CLEC4A: variants seen among roughly 807,000 people sequenced by gnomAD.
CLEC4A encodes the protein C-type lectin domain family 4 member A.
A neutral mutation model predicts 32.7 loss-of-function variants in CLEC4A; 27 were observed. The observed-to-expected ratio is 0.83, with a 90% confidence interval of 0.61 to 1.14. The LOEUF is 1.14. Ranked by LOEUF, CLEC4A falls within the 50% of genes most tolerant of loss-of-function variation. CLEC4A has a pLI of 0.00. For synonymous variants in CLEC4A, 89 were observed against 93.7 expected (o/e 0.95, Z 0.29); for missense variants, 253 against 274.6 (o/e 0.92, Z 0.55).
intron 2 of CLEC4A, among the ~76,000 whole-genome samples, chr12:8,127,156 G>A (rs1260379315): frequency 2.6e-5 from 4 of 152,326 alleles, no homozygotes; most frequent in Middle Eastern, 6.8e-3. Flanking sequence ...ATATGTGGTT[G>A]GGTACTGGCC....
intron 2 of CLEC4A, among the ~76,000 whole-genome samples, chr12:8,127,406 C>T (rs184671251): frequency 6.6e-6 from 1 of 152,262 alleles, no homozygotes; most frequent in East Asian, 1.9e-4. Flanking sequence ...CAGATCCAGG[C>T]GGTGGAGAAA....
At chr12:8,116,455 G>A in the CLEC4A span, among the ~76,000 whole-genome samples, 5 of 152,168 alleles carry the variant, frequency 3.3e-5, no homozygotes, top group Admixed American at 6.5e-5. Flanking sequence ...TCTAGACCTC[G>A]CATTTGGAAA....
the CLEC4A span, among the ~76,000 whole-genome samples, chr12:8,113,256 G>A: frequency 2.6e-5 from 4 of 151,734 alleles, no homozygotes; most frequent in East Asian, 5.8e-4. Context: ...TGAGAATGAT[G>A]GTTACCAGTT....
intron 1 of CLEC4A, among the ~76,000 whole-genome samples, chr12:8,124,266 G>A (rs1156728023): frequency 1.3e-5 from 2 of 152,188 alleles, no homozygotes; most frequent in Non-Finnish European, 2.9e-5. Context: ...GTTTTCTGAG[G>A]CTGAGTGGGG....
the CLEC4A span, among the ~76,000 whole-genome samples, chr12:8,115,502 A>T: frequency 1.3e-5 from 2 of 152,228 alleles, no homozygotes; most frequent in African/African-American, 2.4e-5. Flanking sequence ...TTACCAAGGC[A>T]TCTAGGGTAC....
the CLEC4A span, among the ~76,000 whole-genome samples, chr12:8,115,068 G>A: frequency 2.0e-5 from 3 of 152,186 alleles, no homozygotes; most frequent in Admixed American, 6.5e-5. Flanking sequence ...TTCAAGCACC[G>A]CTAGTTTATT....
upstream of CLEC4A, among the ~76,000 whole-genome samples, chr12:8,122,831 C>T (rs367785531): frequency 1.5e-4 from 22 of 151,696 alleles, 1 homozygote; most frequent in East Asian, 4.1e-3. Context: ...TGTGTGTGTG[C>T]ATGCATGTAT....
rs1232949451 is a variant in CLEC4A, at chr12:8,136,890, A to G, written c.553A>G (p.Asn185Asp). 11 of 1,610,446 alleles carry G rather than the reference A, an allele frequency of 6.8e-6. No homozygotes were observed. The highest frequency in any genetic ancestry group is 1.6e-4 in the Middle Eastern group (1 of 6,074). The stretch of plus-strand genomic sequence containing the variant: ...GCAATGGGTTGATCAGACACCATAC[A>G]ATGAAAGTTCCACGTGAGTATAGAA... ...HWQWVDQTPY[N>D]ESSTFWHPRE... Residue 185 changes from asparagine to aspartate, a missense_variant, in exon 5 of 6, where the codon AAT (asparagine) becomes GAT (aspartate). Physicochemically the swap from Asn to Asp is conservative, Grantham distance 23 (BLOSUM62 1). Transcript: ENST00000229332.
At chr12:8,125,140 A>C (rs934769870) in intron 1 of CLEC4A, among the ~76,000 whole-genome samples, 3 of 152,136 alleles carry the variant, frequency 2.0e-5, no homozygotes, top group Non-Finnish European at 2.9e-5. Flanking sequence ...ATGCAACCAT[A>C]ATAAGGAGTG....
intron 3 of CLEC4A, chr12:8,134,514 T>C: frequency 1.9e-6 from 3 of 1,613,852 alleles, no homozygotes; most frequent in Non-Finnish European, 2.5e-6. Context: ...GGTGCAGGGC[T>C]CCGGGGAGGC....
intron 1 of CLEC4A, among the ~76,000 whole-genome samples, chr12:8,125,158 A>T (rs183979267): frequency 6.6e-5 from 10 of 152,204 alleles, no homozygotes; most frequent in African/African-American, 2.2e-4. Flanking sequence ...GTGTTAAAGA[A>T]GAAAATATAA....
intron 3 of CLEC4A, among the ~76,000 whole-genome samples, chr12:8,130,266 T>G (rs1240443042): frequency 1.3e-5 from 2 of 152,210 alleles, no homozygotes; most frequent in African/African-American, 2.4e-5. Context: ...TCTATACACA[T>G]TTGCTCTTTT....
intron 3 of CLEC4A, among the ~76,000 whole-genome samples, chr12:8,131,820 A>ATC (rs1343655727): frequency 3.5e-5 from 2 of 57,358 alleles, no homozygotes; most frequent in South Asian, 9.6e-4. Context: ...GGAGATATAT[A>ATC]TATCTATATA....
chr12:8,110,387 G>C, the CLEC4A span, among the ~76,000 whole-genome samples: 1 of 152,240 alleles, frequency 6.6e-6, no homozygotes, highest in African/African-American at 2.4e-5. Flanking sequence ...GCCTACCTCT[G>C]TACCTTCATT....
At chr12:8,137,188 T>C (rs1203672688) in intron 5 of CLEC4A, among the ~76,000 whole-genome samples, 3 of 152,244 alleles carry the variant, frequency 2.0e-5, no homozygotes, top group Admixed American at 2.0e-4. Flanking sequence ...AGGTGGATCT[T>C]ACTGTGCTTT....
chr12:8,125,432 T>C, intron 1 of CLEC4A, 129 bp from the exon 2 acceptor site: 2 of 613,308 alleles, frequency 3.3e-6, no homozygotes, highest in Non-Finnish European at 5.9e-6. Context: ...CCTATTCTCA[T>C]GTGATTTCAA....
chr12:8,127,417 T>C (rs1947920417), intron 2 of CLEC4A, among the ~76,000 whole-genome samples: 1 of 152,168 alleles, frequency 6.6e-6, no homozygotes, highest in African/African-American at 2.4e-5. Flanking sequence ...GGTGGAGAAA[T>C]AGACCACATT....
chr12:8,135,549 T>G, intron 3 of CLEC4A, 36 bp from the exon 4 acceptor site: 2 of 1,607,488 alleles, frequency 1.2e-6, no homozygotes, highest in South Asian at 1.1e-5. Context: ...GAGTGATTAT[T>G]TATATTGCAC....
chr12:8,134,979 G>GTTTTTTTTTTTT (rs1591611840), intron 3 of CLEC4A: 65 of 166,020 alleles, frequency 3.9e-4, no homozygotes, highest in South Asian at 7.9e-4. Context: ...AAGCGTTTTT[G>GTTTTTTTTTTTT]TTTTTTGTTT....
Sources: gnomAD v4.1 joint callset for allele counts (sites outside exome capture counted in the v4.1 genomes callset) on GRCh38, gnomAD v4.1.1 for gene constraint, MANE v1.5 for transcripts, NCBI Gene and HGNC (gene_info 2026-07-23, HGNC 2026-07-21) for gene names.